The following SPON1 variants were observed in gnomAD, a reference collection of about 807,000 sequenced individuals.
The protein encoded by SPON1 is spondin 1, also known as spondin-1.
SPON1 carries 52 observed loss-of-function variants against 111.7 expected under a neutral mutation model. The observed-to-expected ratio is 0.47, with a 90% CI of 0.37 to 0.59. The LOEUF is 0.59. SPON1 is among the 20% of genes least tolerant of loss of function. SPON1 has a pLI of 0.00. For missense variants in SPON1, 957 were observed against 1,068.5 expected (o/e 0.90, Z 1.46); for synonymous variants, 410 against 395.8 (o/e 1.04, Z -0.43).
chr11:14,012,299 C>T (rs1848411467), intron 2 of SPON1, among the ~76,000 whole-genome samples: 1 of 152,138 alleles, frequency 6.6e-6, no homozygotes, highest in African/African-American at 2.4e-5. Context: ...CATCCTAACA[C>T]CCACCCTAAC....
intron 2 of SPON1, among the ~76,000 whole-genome samples, chr11:14,026,064 A>C (rs966285648): frequency 1.3e-5 from 2 of 152,204 alleles, no homozygotes; most frequent in Non-Finnish European, 2.9e-5. Flanking sequence ...GCTTCTCTGC[A>C]AGGCAGGAGC....
chr11:14,227,005 C>A (rs557765746), intron 6 of SPON1, among the ~76,000 whole-genome samples: 1 of 152,260 alleles, frequency 6.6e-6, no homozygotes, highest in African/African-American at 2.4e-5. Context: ...TTAGGGCCTA[C>A]CCTGATAATC....
At chr11:14,103,147 G>A (rs1480916158) in intron 5 of SPON1, among the ~76,000 whole-genome samples, 1 of 152,112 alleles carries the variant, frequency 6.6e-6, no homozygotes, top group African/African-American at 2.4e-5. Context: ...GCATCATGTC[G>A]CTGCTATCAA....
intron 2 of SPON1, among the ~76,000 whole-genome samples, chr11:14,001,648 A>C (rs1455398463): frequency 2.0e-5 from 3 of 152,232 alleles, no homozygotes; most frequent in African/African-American, 4.8e-5. Flanking sequence ...CCATTACATC[A>C]ACAAGGCTCA....
intron 3 of SPON1, among the ~76,000 whole-genome samples, chr11:14,051,556 C>T (rs532642699): frequency 2.6e-5 from 4 of 151,290 alleles, no homozygotes; most frequent in Non-Finnish European, 5.9e-5. Context: ...AAAAGAGAGA[C>T]AGGGCTTCCT....
chr11:14,035,543 G>A (rs2133810669), intron 2 of SPON1, among the ~76,000 whole-genome samples: 1 of 151,648 alleles, frequency 6.6e-6, no homozygotes, highest in East Asian at 1.9e-4. Context: ...AAGGAGCTGA[G>A]ACACATATTG....
chr11:14,022,296 C>G (rs1362936825), intron 2 of SPON1, among the ~76,000 whole-genome samples: 1 of 152,174 alleles, frequency 6.6e-6, no homozygotes, highest in African/African-American at 2.4e-5. Flanking sequence ...TTAAGAGCAG[C>G]CTGTTGTTAA....
At chr11:14,058,420 C>G (rs1370731864) in intron 3 of SPON1, among the ~76,000 whole-genome samples, 1 of 152,104 alleles carries the variant, frequency 6.6e-6, no homozygotes, top group African/African-American at 2.4e-5. Flanking sequence ...CCGAGAGAAG[C>G]ACAGGGCGGA....
intron 2 of SPON1, among the ~76,000 whole-genome samples, chr11:13,991,424 T>G (rs1339131621): frequency 5.9e-5 from 9 of 152,210 alleles, no homozygotes; most frequent in Admixed American, 4.6e-4. Context: ...TTCAGCTCCA[T>G]CAGGTCATTT....
chr11:14,024,954 C>A (rs1848507141), intron 2 of SPON1, among the ~76,000 whole-genome samples: 1 of 152,220 alleles, frequency 6.6e-6, no homozygotes, highest in Non-Finnish European at 1.5e-5. Context: ...GCCATATCAT[C>A]TGAATTCCTC....
chr11:14,098,087 C>A (rs879953423), intron 5 of SPON1, among the ~76,000 whole-genome samples: 4 of 152,238 alleles, frequency 2.6e-5, no homozygotes, highest in African/African-American at 9.6e-5. Context: ...GCTCCGCCTC[C>A]CGGGTTCACA....
chr11:14,184,883 G>A (rs1370018058), intron 6 of SPON1, among the ~76,000 whole-genome samples: 1 of 152,182 alleles, frequency 6.6e-6, no homozygotes, highest in Non-Finnish European at 1.5e-5. Context: ...TTGTCACCCT[G>A]TCTTTGAGAG....
chr11:14,044,734 G>T (rs180722552), intron 3 of SPON1, among the ~76,000 whole-genome samples: 1 of 152,134 alleles, frequency 6.6e-6, no homozygotes, highest in Non-Finnish European at 1.5e-5. Context: ...TTACATTCAC[G>T]AAGGTAATCA....
chr11:14,111,024 A>C (rs1554925413), intron 5 of SPON1, among the ~76,000 whole-genome samples: 1 of 152,220 alleles, frequency 6.6e-6, no homozygotes, highest in African/African-American at 2.4e-5. Flanking sequence ...GAATGGATAG[A>C]TGAACTGGGA....
At chr11:14,185,988 T>C (rs1848282122) in intron 6 of SPON1, among the ~76,000 whole-genome samples, 1 of 152,230 alleles carries the variant, frequency 6.6e-6, no homozygotes, top group South Asian at 2.1e-4. Context: ...GTAATAACAA[T>C]ATGCATCTCC....
intron 3 of SPON1, among the ~76,000 whole-genome samples, chr11:14,062,373 A>C (rs574319260): frequency 1.4e-4 from 22 of 152,324 alleles, no homozygotes; most frequent in Admixed American, 1.3e-3. Flanking sequence ...ATAAATATTT[A>C]TGGATCAAGA....
intron 3 of SPON1, among the ~76,000 whole-genome samples, chr11:14,050,384 G>T (rs1236772654): frequency 2.6e-5 from 4 of 152,156 alleles, no homozygotes; most frequent in African/African-American, 9.7e-5. Context: ...AGTTTTATTG[G>T]AACACAGTTA....
At chr11:14,042,829 G>GA (rs1554917447) in intron 3 of SPON1, among the ~76,000 whole-genome samples, 2 of 152,102 alleles carry the variant, frequency 1.3e-5, no homozygotes, top group African/African-American at 4.8e-5. Flanking sequence ...TTGGCTTATG[G>GA]AAAAAACCCC....
At chr11:14,219,389 G>A (rs937711513) in intron 6 of SPON1, among the ~76,000 whole-genome samples, 31 of 152,106 alleles carry the variant, frequency 2.0e-4, no homozygotes, top group African/African-American at 7.0e-4. Context: ...GTATGTAGTG[G>A]GTTATGGTGA....
Sources: allele counts gnomAD v4.1 joint callset (sites outside exome capture counted in the v4.1 genomes callset), GRCh38; gene constraint gnomAD v4.1.1; transcripts MANE v1.5; gene names NCBI Gene and HGNC (gene_info 2026-07-23, HGNC 2026-07-21).